CYP2U1: variants seen among roughly 807,000 people sequenced by gnomAD.
CYP2U1 encodes cytochrome P450 family 2 subfamily U member 1.
CYP2U1 carries 28 observed loss-of-function variants against 42.8 expected under a neutral mutation model. The ratio of observed to expected loss-of-function variants is 0.65; its 90% CI spans 0.48 to 0.90. CYP2U1 has a LOEUF of 0.90. Among genes scored for constraint, CYP2U1 ranks in the 40% least tolerant of loss-of-function variants. The pLI is 0.00. For synonymous variants in CYP2U1, 296 were observed against 278.9 expected (o/e 1.06, Z -0.61); for missense variants, 642 against 693.8 (o/e 0.93, Z 0.84).
chr4:107,950,226 T>C lies in CYP2U1; in HGVS notation c.1457-19T>C. ...GGATGGTATTATAATCCTTCATTTT[T>C]TTCTGATCTCATTTTTAGGGAAGCG... On this transcript the variant is annotated intron_variant, in intron 4 of 4. Coordinates refer to ENST00000332884, the MANE Select transcript of CYP2U1 (RefSeq NM_183075.3). 1 of 1,581,556 alleles carries C rather than the reference T, an allele frequency of 6.3e-7. No individual in the cohort carries two copies. The highest frequency in any genetic ancestry group is 8.6e-7 in the Non-Finnish European group (1 of 1,165,880).
intron 1 of CYP2U1, among the ~76,000 whole-genome samples, chr4:107,933,199 C>T (rs1733109304): frequency 6.6e-6 from 1 of 152,144 alleles, no homozygotes; most frequent in Admixed American, 6.5e-5. Context: ...TAGTGAAATT[C>T]ATAGGGACAG....
In CYP2U1 at chr4:107,945,506, T is replaced by C. The variant is rs143278890; in HGVS notation, c.1027T>C (p.Phe343Leu). ...SNSSFDEEYL[F>L]YIIGDLFIAG... is the part of the protein sequence containing the mutation. ...CAGCAGTTTTGATGAAGAGTACTTA[T>C]TTTATATCATTGGGGATCTCTTTAT... Residue 343 changes from phenylalanine to leucine, a missense_variant, in exon 2 of 5, where the codon TTT (phenylalanine) becomes CTT (leucine). Coordinates refer to ENST00000332884, the MANE Select transcript of CYP2U1 (RefSeq NM_183075.3). The C allele has an allele frequency of 1.9e-6, 3 of 1,613,932 alleles. No individual in the cohort carries two copies. The highest frequency in any genetic ancestry group is 1.7e-6 in the Non-Finnish European group (2 of 1,180,020).
At chr4:107,939,482 C>G (rs1489567764) in intron 1 of CYP2U1, among the ~76,000 whole-genome samples, 2 of 152,192 alleles carry the variant, frequency 1.3e-5, no homozygotes, top group Non-Finnish European at 2.9e-5. Context: ...CACACTCTAT[C>G]CACATTGAAA....
chr4:107,932,070 C>G lies in CYP2U1; in HGVS notation c.427C>G (p.Gln143Glu), dbSNP rs1299787990. The change falls in exon 1 of 5, where the codon CAG (glutamine) becomes GAG (glutamate). Residue 143 changes from glutamine to glutamate, a missense_variant. Coordinates refer to ENST00000332884, the MANE Select transcript of CYP2U1 (RefSeq NM_183075.3). ...CAGCGTGCGCGAGGCGCTGGTGCAG[C>G]AGGCCGAGGTCTTCAGCGACCGCCC... ...FHSVREALVQ[Q>E]AEVFSDRPRV... is the part of the protein sequence containing the mutation. The G allele has an allele frequency of 1.9e-6, 3 of 1,592,320 alleles. No individual in the cohort carries two copies. Among genetic ancestry groups the G allele is most frequent in the Admixed American group, 1.7e-5 (1 of 57,254 alleles).
chr4:107,945,636 C>A (rs374255821), intron 2 of CYP2U1, 31 bp downstream of exon 2: 1 of 1,526,010 alleles, frequency 6.6e-7, no homozygotes, highest in Non-Finnish European at 8.8e-7. Context: ...TTGTTCATGG[C>A]AAAACCAGGT....
chr4:107,932,094 C>A lies in CYP2U1; in HGVS notation c.451C>A (p.Pro151Thr). The A allele has an allele frequency of 6.3e-7, 1 of 1,599,042 alleles. No homozygotes were observed. The highest frequency in any genetic ancestry group is 1.7e-5 in the Admixed American group (1 of 58,348). The change falls in exon 1 of 5, where the codon CCG becomes ACG. Residue 151 changes from proline to threonine, a missense_variant. Pro to Thr is a conservative substitution (Grantham distance 38). Transcript: ENST00000332884. ...GCAGGCCGAGGTCTTCAGCGACCGC[C>A]CGCGGGTGCCGCTCATCTCCATCGT... ...VQQAEVFSDR[P>T]RVPLISIVTK...
At chr4:107,935,660 A>T (rs1409498201) in intron 1 of CYP2U1, 1 of 152,212 alleles carries the variant, frequency 6.6e-6, no homozygotes, top group African/African-American at 2.4e-5. Flanking sequence ...TCATCAAAGG[A>T]TGAAGGAACA....
intron 1 of CYP2U1, chr4:107,936,059 T>C (rs1303145844): frequency 6.6e-6 from 1 of 152,238 alleles, no homozygotes; most frequent in Non-Finnish European, 1.5e-5. Context: ...TTATTTTTTA[T>C]GTTTAAATTT....
intron 1 of CYP2U1, among the ~76,000 whole-genome samples, chr4:107,939,675 C>T (rs1310463814): frequency 1.3e-5 from 2 of 152,064 alleles, no homozygotes; most frequent in East Asian, 1.9e-4. Context: ...AATCTCAAAA[C>T]GGGTTAGAAA....
chr4:107,951,988 A>G lies in CYP2U1; in HGVS notation c.*1565A>G, dbSNP rs181866656. ...AGAACCACTTCTTGATTCTGCCACC[A>G]CTTGATCCCATAACAGGCTACCCCT... On this transcript the variant is annotated 3_prime_UTR_variant, in exon 5 of 5. Transcript: ENST00000332884. 1 of 152,296 alleles carries G rather than the reference A, an allele frequency of 6.6e-6. No homozygotes were observed. Among genetic ancestry groups the G allele is most frequent in the East Asian group, 1.9e-4 (1 of 5,174 alleles). 9.4% of individuals were successfully genotyped at this position (152,296 alleles called of 1,614,324 possible). A position where few individuals can be genotyped will look rare whatever the true frequency, so the allele number is the denominator to read the frequency against.
At position 107,944,972 on chromosome 4, in the gene CYP2U1, G is replaced by T. The variant is rs769554110; in HGVS notation, c.493G>T (p.Val165Phe). The change falls in exon 2 of 5, where the codon GTT becomes TTT. Residue 165 changes from valine to phenylalanine, a missense_variant and splice_region_variant. Coordinates refer to ENST00000332884, the MANE Select transcript of CYP2U1 (RefSeq NM_183075.3). ...CCTTTCTTGGTGTCCCTTTGCAGGGGTTGTGTTTGCACATTATGGTCCCGT... is the reference window on the plus strand; with the variant it reads ...CCTTTCTTGGTGTCCCTTTGCAGGGTTTGTGTTTGCACATTATGGTCCCGT... The part of the protein sequence containing the change: ...LISIVTKEKG[V>F]VFAHYGPVWR... 2 of 1,605,546 alleles carry T rather than the reference G, an allele frequency of 1.2e-6. No individual in the cohort carries two copies. Among genetic ancestry groups the T allele is most frequent in the Non-Finnish European group, 1.7e-6 (2 of 1,176,080 alleles).
At chr4:107,937,900 G>T (rs1733333529) in intron 1 of CYP2U1, 1 of 152,050 alleles carries the variant, frequency 6.6e-6, no homozygotes, top group Admixed American at 6.6e-5. Flanking sequence ...AGTATTATGA[G>T]CATATTTTCA....
At chr4:107,947,988 C>T (rs1733761396) in intron 3 of CYP2U1, among the ~76,000 whole-genome samples, 1 of 152,076 alleles carries the variant, frequency 6.6e-6, no homozygotes, top group African/African-American at 2.4e-5. Flanking sequence ...AATTAGAAGG[C>T]CGGGTGTGGT....
chr4:107,932,237 AG>A, intron 1 of CYP2U1, 104 bp downstream of exon 1: 9 of 1,461,498 alleles, frequency 6.2e-6, no homozygotes, highest in Non-Finnish European at 8.1e-6. Flanking sequence ...CCGCGCCCCC[AG>A]GCTGCCTCAC....
chr4:107,932,244 C>G, intron 1 of CYP2U1, 111 bp downstream of exon 1: 1 of 1,453,566 alleles, frequency 6.9e-7, no homozygotes, highest in Non-Finnish European at 9.1e-7. Context: ...CCCAGGCTGC[C>G]TCACACCTGC....
chr4:107,931,608 C>T lies in CYP2U1; in HGVS notation c.-36C>T, dbSNP rs1732970813. On this transcript the variant is annotated 5_prime_UTR_variant, in exon 1 of 5. Coordinates refer to ENST00000332884, the MANE Select transcript of CYP2U1 (RefSeq NM_183075.3). ...CAGCTGCGTGCGCGTCTCCTCCAGG[C>T]AGCAAGGGGAACCCGAGGCCGCCGG... 4.8e-6 allele frequency: 6 copies of T among 1,248,546 alleles called. No homozygotes were observed. The highest frequency in any genetic ancestry group is 1.5e-5 in the African/African-American group (1 of 64,720). 77.3% of individuals were successfully genotyped at this position (1,248,546 alleles called of 1,614,324 possible). A position where few individuals can be genotyped will look rare whatever the true frequency, so the allele number is the denominator to read the frequency against.
chr4:107,931,965 G>A lies in CYP2U1; in HGVS notation c.322G>A (p.Ala108Thr), dbSNP rs770267485. ...GGTCATAGGCCCGCAGGTGCTCCTGGCTCACCTAGCCCGCGTGTACGGCAG... is the reference window on the plus strand; with the variant it reads ...GGTCATAGGCCCGCAGGTGCTCCTGACTCACCTAGCCCGCGTGTACGGCAG... The part of the protein sequence containing the change: ...PSVIGPQVLL[A>T]HLARVYGSIF... The change falls in exon 1 of 5, where the codon GCT becomes ACT. Residue 108 changes from alanine to threonine, a missense_variant. Physicochemically the swap from Ala to Thr is moderately conservative, Grantham distance 58 (BLOSUM62 0). Transcript: ENST00000332884. 11 of 1,551,718 alleles carry A rather than the reference G, an allele frequency of 7.1e-6. No individual in the cohort carries two copies. In the Admixed American group the frequency reaches 9.8e-5, roughly 14 times the overall value.
In CYP2U1 at chr4:107,945,091, A is replaced by G. The variant is rs1314471062; in HGVS notation, c.612A>G (p.Lys204=). Reference sequence around the variant, plus strand: ...AGCCCAAGATTATTGAGGAGTTCAAATATGTGAAAGCAGAAATGCAAAAGC... The same window carrying G: ...AGCCCAAGATTATTGAGGAGTTCAAGTATGTGAAAGCAGAAATGCAAAAGC... ...SLEPKIIEEF[K]YVKAEMQKHG... The change falls in exon 2 of 5, where the codon AAA becomes AAG. Residue 204 remains lysine, a synonymous_variant. Transcript: ENST00000332884. 1 of 1,613,868 alleles carries G rather than the reference A, an allele frequency of 6.2e-7. No homozygotes were observed. Among genetic ancestry groups the G allele is most frequent in the Non-Finnish European group, 8.5e-7 (1 of 1,179,970 alleles).
rs1185840471 is a variant in CYP2U1 at position 107,951,154 on chromosome 4, A to C, written c.*731A>C. On this transcript the variant is annotated 3_prime_UTR_variant, in exon 5 of 5. Coordinates refer to ENST00000332884, the MANE Select transcript of CYP2U1 (RefSeq NM_183075.3). ...AAATCCCTTGTAGGATTATTATCTA[A>C]ATTTATATGTCTAACTTCTACTACA... The C allele has an allele frequency of 1.3e-5, 2 of 152,226 alleles. No individual in the cohort carries two copies. Among genetic ancestry groups the C allele is most frequent in the Non-Finnish European group, 2.9e-5 (2 of 68,046 alleles). 9.4% of individuals were successfully genotyped at this position (152,226 alleles called of 1,614,324 possible). A position where few individuals can be genotyped will look rare whatever the true frequency, so the allele number is the denominator to read the frequency against.
Sources: gnomAD v4.1 joint callset for allele counts (sites outside exome capture counted in the v4.1 genomes callset) on GRCh38, gnomAD v4.1.1 for gene constraint, MANE v1.5 for transcripts, NCBI Gene and HGNC (gene_info 2026-07-23, HGNC 2026-07-21) for gene names.